CNTNAP5: variants seen among roughly 807,000 people sequenced by gnomAD.
CNTNAP5 encodes contactin-associated protein-like 5.
A neutral mutation model predicts 150.2 loss-of-function variants in CNTNAP5; 72 were observed. The ratio of observed to expected loss-of-function variants is 0.48; its 90% CI spans 0.40 to 0.58. The LOEUF (loss-of-function observed/expected upper bound fraction) is 0.58. Ranked by LOEUF, CNTNAP5 falls within the 20% of genes least tolerant of loss-of-function variation. CNTNAP5 has a pLI of 0.00. For missense variants in CNTNAP5, 1,636 were observed against 1,626.2 expected (o/e 1.01, Z -0.10); for synonymous variants, 672 against 619.8 (o/e 1.08, Z -1.25).
intron 19 of CNTNAP5, among the ~76,000 whole-genome samples, chr2:124,847,632 T>C (rs1053551282): frequency 6.6e-6 from 1 of 152,148 alleles, no homozygotes; most frequent in Non-Finnish European, 1.5e-5. Flanking sequence ...GGTCTGTGGG[T>C]TCTCTTAGCT....
At chr2:124,650,600 T>C (rs1678300983) in intron 13 of CNTNAP5, among the ~76,000 whole-genome samples, 1 of 152,216 alleles carries the variant, frequency 6.6e-6, no homozygotes. Context: ...CCTCCTTACC[T>C]ATCTAAGATT....
intron 21 of CNTNAP5, among the ~76,000 whole-genome samples, chr2:124,889,444 A>G (rs1334330713): frequency 6.6e-6 from 1 of 152,070 alleles, no homozygotes; most frequent in African/African-American, 2.4e-5. Context: ...TGTGAAAGGT[A>G]GGGGTCCAGT....
intron 1 of CNTNAP5, among the ~76,000 whole-genome samples, chr2:124,195,354 A>T (rs144533181): frequency 5.9e-4 from 90 of 152,262 alleles, no homozygotes; most frequent in Non-Finnish European, 1.1e-3. Context: ...GGTGTTGAGA[A>T]ATGCAGTGAA....
intron 3 of CNTNAP5, among the ~76,000 whole-genome samples, chr2:124,397,462 A>G (rs558762122): frequency 2.6e-5 from 4 of 152,268 alleles, no homozygotes; most frequent in South Asian, 2.1e-4. Context: ...TCCATCACAG[A>G]GCATTCATTC....
At chr2:124,567,810 T>G (rs1356501205) in intron 11 of CNTNAP5, among the ~76,000 whole-genome samples, 1 of 151,880 alleles carries the variant, frequency 6.6e-6, no homozygotes, top group African/African-American at 2.4e-5. Flanking sequence ...AGCAGGTTTT[T>G]GATTGTGGGA....
chr2:124,404,407 G>A (rs1346036861), intron 3 of CNTNAP5, among the ~76,000 whole-genome samples: 1 of 152,184 alleles, frequency 6.6e-6, no homozygotes, highest in African/African-American at 2.4e-5. Flanking sequence ...GAGTGGCTCT[G>A]GTGGCAGCCA....
At chr2:124,645,437 A>G (rs999340551) in intron 12 of CNTNAP5, among the ~76,000 whole-genome samples, 2 of 152,148 alleles carry the variant, frequency 1.3e-5, no homozygotes, top group Non-Finnish European at 1.5e-5. Flanking sequence ...GTGTGATAGT[A>G]CATACCTGTG....
At chr2:124,213,078 T>A (rs1199641196) in intron 1 of CNTNAP5, among the ~76,000 whole-genome samples, 3 of 152,060 alleles carry the variant, frequency 2.0e-5, no homozygotes, top group Non-Finnish European at 2.9e-5. Flanking sequence ...AACCTCGTGA[T>A]CCGCCTGCCT....
chr2:124,781,019 G>C (rs569486521), intron 17 of CNTNAP5, among the ~76,000 whole-genome samples: 19 of 152,296 alleles, frequency 1.2e-4, no homozygotes, highest in Admixed American at 5.9e-4. Context: ...TGGGTGCTTC[G>C]GTGGAGTTTG....
chr2:124,556,639 C>T (rs1490798728), intron 10 of CNTNAP5, among the ~76,000 whole-genome samples: 2 of 152,024 alleles, frequency 1.3e-5, no homozygotes, highest in African/African-American at 2.4e-5. Flanking sequence ...GTGGCTCAGA[C>T]TAGAGGAGCA....
chr2:124,510,348 AAC>A (rs3039130), intron 8 of CNTNAP5, among the ~76,000 whole-genome samples: 9,642 of 68,116 alleles, frequency 0.14, 702 homozygotes, highest in Non-Finnish European at 0.15. Context: ...TCCATATGTC[AAC>A]ACACACACAC....
chr2:124,424,665 T>C lies in CNTNAP5; in HGVS notation c.529+7075T>C, dbSNP rs570388012. On this transcript the variant is annotated intron_variant, in intron 4 of 23. Coordinates refer to ENST00000682447, the MANE Select transcript of CNTNAP5 (RefSeq NM_001367498.1). ...CCATCTTAAATCAATGACTTCTTTA[T>C]AACTTTTCTGACTGGTTGAGGATCT... 2.6e-5 allele frequency among the ~76,000 whole-genome samples: 4 copies of C among 152,336 alleles called. No homozygotes were observed. The South Asian group carries it at 6.2e-4, about 24-fold the overall frequency.
chr2:124,075,826 T>C (rs970459090), intron 1 of CNTNAP5, among the ~76,000 whole-genome samples: 1 of 152,156 alleles, frequency 6.6e-6, no homozygotes, highest in Non-Finnish European at 1.5e-5. Flanking sequence ...TGTGGTGATT[T>C]GTGAACTAAA....
At chr2:124,144,081 A>G (rs1457863804) in intron 1 of CNTNAP5, among the ~76,000 whole-genome samples, 1 of 143,644 alleles carries the variant, frequency 7.0e-6, no homozygotes, top group East Asian at 2.1e-4. Flanking sequence ...AATCCAACTT[A>G]CAAGGGATGT....
At chr2:124,086,188 CTTTTT>C (rs57849633) in intron 1 of CNTNAP5, among the ~76,000 whole-genome samples, 13 of 81,990 alleles carry the variant, frequency 1.6e-4, no homozygotes, top group African/African-American at 2.6e-4. Context: ...GGTGTACACA[CTTTTT>C]TTTTTTTTTT....
chr2:124,521,672 G>T (rs1368316968), intron 8 of CNTNAP5, among the ~76,000 whole-genome samples: 1 of 152,166 alleles, frequency 6.6e-6, no homozygotes, highest in Non-Finnish European at 1.5e-5. Context: ...GGAGTATTTA[G>T]AACTTTTATT....
chr2:124,421,270 T>A (rs1692097274), intron 4 of CNTNAP5, among the ~76,000 whole-genome samples: 1 of 152,194 alleles, frequency 6.6e-6, no homozygotes, highest in African/African-American at 2.4e-5. Flanking sequence ...TAAAGTATAG[T>A]AGATATATTA....
At chr2:124,734,756 C>G (rs1017590233) in intron 13 of CNTNAP5, among the ~76,000 whole-genome samples, 2 of 152,062 alleles carry the variant, frequency 1.3e-5, no homozygotes, top group African/African-American at 4.8e-5. Flanking sequence ...CTGCTGTAAC[C>G]TAACGCATGC....
intron 7 of CNTNAP5, among the ~76,000 whole-genome samples, chr2:124,502,199 T>A (rs1326322828): frequency 6.6e-6 from 1 of 152,158 alleles, no homozygotes; most frequent in Non-Finnish European, 1.5e-5. Context: ...ATCCAGGAAC[T>A]CCTTAGATTC....
Sources: allele counts gnomAD v4.1 joint callset (sites outside exome capture counted in the v4.1 genomes callset), GRCh38; gene constraint gnomAD v4.1.1; transcripts MANE v1.5; gene names NCBI Gene and HGNC (gene_info 2026-07-23, HGNC 2026-07-21).